CREBBP: variants seen among roughly 807,000 people sequenced by gnomAD.
CREBBP encodes CREB-binding protein.
In CREBBP, 19 loss-of-function variants were observed where a neutral mutation model predicts 265.0. The ratio of observed to expected loss-of-function variants is 0.07; its 90% CI spans 0.05 to 0.11. CREBBP has a LOEUF of 0.11. CREBBP is among the 10% of genes least tolerant of loss of function. The probability of loss-of-function intolerance (pLI) is 1.00; values close to 1 mark genes in which losing one functional copy is unlikely to be tolerated. For synonymous variants in CREBBP, 1,457 were observed against 1,223.7 expected, an observed-to-expected ratio of 1.19 and a Z score of -3.98; for missense variants, 2,525 against 3,219.0, an observed-to-expected ratio of 0.78 and a Z score of 5.22.
chr16:3,793,311 G>C (rs1301586256), intron 4 of CREBBP, 75 bp downstream of exon 4: 2 of 1,601,326 alleles, frequency 1.2e-6, no homozygotes, highest in African/African-American at 1.3e-5. Context: ...TTATGAACCA[G>C]AGAGCTGCTG....
At chr16:3,836,040 T>C (rs1015271506) in intron 2 of CREBBP, among the ~76,000 whole-genome samples, 9 of 151,832 alleles carry the variant, frequency 5.9e-5, no homozygotes, top group South Asian at 2.1e-4. Flanking sequence ...AGAAAACAAG[T>C]TGTGAGCAAA....
chr16:3,729,022 T>A lies in CREBBP; in HGVS notation c.6025A>T (p.Ser2009Cys), dbSNP rs1367320646. The change falls in exon 31 of 31, where the codon AGC becomes TGC. Residue 2009 changes from serine to cysteine, a missense_variant. Ser to Cys is a moderately radical substitution (Grantham distance 112). Around this residue, in one of 19 missense-constraint regions of CREBBP, gnomAD observed 275 missense variants for 276.5 expected, o/e 0.99. Coordinates refer to ENST00000262367, the MANE Select transcript of CREBBP (RefSeq NM_004380.3). The stretch of plus-strand genomic sequence containing the variant: ...GGCATGCTGGGCATGACGGGCCCGC[T>A]CACCTGGTTGGGTCGGGGCACATTC... ...SLNVPRPNQVSGPVMPSMPPG... is the reference protein window; with the variant it reads ...SLNVPRPNQVCGPVMPSMPPG... The A allele has an allele frequency of 6.3e-7, 1 of 1,591,434 alleles. No individual in the cohort carries two copies.
At position 3,734,267 on chromosome 16, in the gene CREBBP, AC is replaced by A. The variant is rs1243265284; in HGVS notation, c.4728+1768del. Among the ~76,000 whole-genome samples, 4 of 152,198 alleles carry A rather than the reference AC, an allele frequency of 2.6e-5. No homozygotes were observed. The South Asian group carries it at 8.3e-4, about 32-fold the overall frequency. On this transcript the variant is annotated intron_variant, in intron 28 of 30. Coordinates refer to ENST00000262367, the MANE Select transcript of CREBBP (RefSeq NM_004380.3). ...CACGCACCAGCCCTCACTAAGGCTG[AC>A]CCCCAGAGCGAGCTCCTGGGGTGTT...
rs556899587 is a variant in CREBBP at position 3,774,297 on chromosome 16, T to C, written c.2283+272A>G. ...TGCTGACAATTCCCTGCTGGCCACA[T>C]ATCTGAGGCTGCCTTCTCCAGCCTT... On this transcript the variant is annotated intron_variant, in intron 12 of 30. Coordinates refer to ENST00000262367, the MANE Select transcript of CREBBP (RefSeq NM_004380.3). Among the ~76,000 whole-genome samples the C allele has an allele frequency of 4.8e-4, 73 of 152,322 alleles. 1 individual carries two copies. Among genetic ancestry groups the C allele is most frequent in the African/African-American group, 1.6e-3 (67 of 41,586 alleles).
intron 15 of CREBBP, 29 bp from the exon 16 acceptor site, chr16:3,767,938 G>A (rs374720083): frequency 2.9e-5 from 46 of 1,607,608 alleles, no homozygotes; most frequent in Non-Finnish European, 3.7e-5. Flanking sequence ...GATAACATAT[G>A]AATATCAAAC....
Position 3,736,821 on chromosome 16 carries a change from G to A in CREBBP, c.4395-6C>T, listed in dbSNP as rs2151330246. 2 of 1,614,158 alleles carry A rather than the reference G, an allele frequency of 1.2e-6. No homozygotes were observed. The highest frequency in any genetic ancestry group is 1.7e-6 in the Non-Finnish European group (2 of 1,180,040). On this transcript the variant is annotated splice_polypyrimidine_tract_variant and splice_region_variant and intron_variant, in intron 26 of 30. Transcript: ENST00000262367. Reference sequence around the variant, plus strand: ...AGATGTGCCCTGTCACATACCTGCAGGACCCACGCACACACGTCAGATGAA... The same window carrying A: ...AGATGTGCCCTGTCACATACCTGCAAGACCCACGCACACACGTCAGATGAA...
At chr16:3,791,030 G>A (rs1200803277) in intron 5 of CREBBP, among the ~76,000 whole-genome samples, 1 of 152,176 alleles carries the variant, frequency 6.6e-6, no homozygotes, top group Non-Finnish European at 1.5e-5. Context: ...CAAAACAGGG[G>A]AGGGTGGCAA....
rs1222801419 is a variant in CREBBP at position 3,740,457 on chromosome 16, C to T, written c.4075G>A (p.Val1359Ile). Residue 1359 changes from valine (V) to isoleucine (I), a missense_variant, in exon 24 of 31, where the codon GTC becomes ATC. Coordinates refer to ENST00000262367, the MANE Select transcript of CREBBP (RefSeq NM_004380.3). ...QNHPEAGEVF[V>I]RVVASSDKTV... Reference sequence around the variant, plus strand: ...TTGTCTGAGCTGGCCACCACTCGGACAAAAACCTCCCCGGCTTCAGGGTGA... The same window carrying T: ...TTGTCTGAGCTGGCCACCACTCGGATAAAAACCTCCCCGGCTTCAGGGTGA... 6.2e-7 allele frequency: 1 copy of T among 1,614,198 alleles called. No homozygotes were observed. Among genetic ancestry groups the T allele is most frequent in the East Asian group, 2.2e-5 (1 of 44,870 alleles).
In CREBBP at chr16:3,847,303, T is replaced by C. The variant is rs565535430; in HGVS notation, c.798+2994A>G. The stretch of plus-strand genomic sequence containing the variant: ...ACTATTTTAATTATTTCATAGGATA[T>C]ACTTCCTGTGTAATCGTTCTTAAAA... On this transcript the variant is annotated intron_variant, in intron 2 of 30. Transcript: ENST00000262367. 2.0e-5 allele frequency among the ~76,000 whole-genome samples: 3 copies of C among 152,360 alleles called. No homozygotes were observed. The East Asian group carries it at 5.8e-4, about 29-fold the overall frequency.
At chr16:3,738,314 TAAAA>T (rs369510235) in intron 26 of CREBBP, among the ~76,000 whole-genome samples, 1 of 131,248 alleles carries the variant, frequency 7.6e-6, no homozygotes, top group African/African-American at 2.8e-5. Flanking sequence ...TCAATAAAGT[TAAAA>T]AAAAAAAAAA....
At chr16:3,825,394 T>G (rs2054218141) in intron 2 of CREBBP, among the ~76,000 whole-genome samples, 1 of 152,238 alleles carries the variant, frequency 6.6e-6, no homozygotes, top group Non-Finnish European at 1.5e-5. Flanking sequence ...CAGTGCCACA[T>G]TCTTATCCAA....
In CREBBP at chr16:3,739,580, C is replaced by T. The variant is rs369225460; in HGVS notation, c.4278G>A (p.Thr1426=). ...CCTGGAAGGAGCTGGAAAACTACCT[C>T]GTGTTTGGAGGGGGGCAATCAGAGC... is the stretch of plus-strand genomic sequence containing the variant. ...EYGSDCPPPN[T]RRVYISYLDS... is the part of the protein sequence containing the mutation. Residue 1426 remains threonine (T), a splice_region_variant and synonymous_variant, in exon 25 of 31, where the codon ACG becomes ACA. Transcript: ENST00000262367. 1.7e-5 allele frequency: 28 copies of T among 1,614,074 alleles called. No individual in the cohort carries two copies. The highest frequency in any genetic ancestry group is 4.0e-5 in the African/African-American group (3 of 74,926).
chr16:3,839,803 TG>T (rs1447459100), intron 2 of CREBBP, among the ~76,000 whole-genome samples: 2 of 102,042 alleles, frequency 2.0e-5, no homozygotes, highest in Non-Finnish European at 4.1e-5. Flanking sequence ...AGGAAAGGAA[TG>T]GAAAAGAAAG....
intron 1 of CREBBP, among the ~76,000 whole-genome samples, chr16:3,859,804 A>G (rs2055036232): frequency 6.6e-6 from 1 of 152,220 alleles, no homozygotes; most frequent in African/African-American, 2.4e-5. Context: ...CGGGGCAAAA[A>G]GGCTACATGG....
At chr16:3,752,732 G>GA (rs1421168658) in intron 19 of CREBBP, among the ~76,000 whole-genome samples, 1 of 152,130 alleles carries the variant, frequency 6.6e-6, no homozygotes, top group Admixed American at 6.5e-5. Flanking sequence ...AAGACTTAGC[G>GA]AATGACTGTT....
chr16:3,849,071 C>G (rs1440082844), intron 2 of CREBBP, among the ~76,000 whole-genome samples: 1 of 152,154 alleles, frequency 6.6e-6, no homozygotes, highest in Admixed American at 6.5e-5. Flanking sequence ...CTAAACAAAT[C>G]CAAAGAACAG....
chr16:3,804,427 G>T (rs2053788184), intron 3 of CREBBP, among the ~76,000 whole-genome samples: 1 of 152,164 alleles, frequency 6.6e-6, no homozygotes, highest in Admixed American at 6.5e-5. Flanking sequence ...TCTTTTTGGT[G>T]ACGTGAACCT....
chr16:3,867,577 G>A (rs2055201810), intron 1 of CREBBP, among the ~76,000 whole-genome samples: 1 of 151,950 alleles, frequency 6.6e-6, no homozygotes, highest in Admixed American at 6.6e-5. Context: ...TTATCTAAAT[G>A]CAGCACCAAA....
At chr16:3,757,407 T>C (rs764772751) in intron 18 of CREBBP, 31 bp from the exon 19 acceptor site, 1 of 1,504,304 alleles carries the variant, frequency 6.6e-7, no homozygotes, top group East Asian at 2.3e-5. Context: ...TACTTTTATA[T>C]AAAAATACAT....
Sources: allele counts gnomAD v4.1 joint callset (sites outside exome capture counted in the v4.1 genomes callset), GRCh38; gene constraint gnomAD v4.1.1; regional missense constraint gnomAD v4.1.1; transcripts MANE v1.5; gene names NCBI Gene and HGNC (gene_info 2026-07-23, HGNC 2026-07-21).